TAFA1: variants seen among roughly 807,000 people sequenced by gnomAD.
TAFA1 encodes the protein TAFA chemokine like family member 1.
Under a neutral mutation model 18.5 loss-of-function variants are expected in TAFA1, and 4 were observed. The observed-to-expected ratio is 0.22, with a 90% CI of 0.11 to 0.49. The LOEUF (loss-of-function observed/expected upper bound fraction) is 0.49. Ranked by LOEUF, TAFA1 falls within the 20% of genes least tolerant of loss-of-function variation. The probability of loss-of-function intolerance (pLI) is 0.98; values close to 1 mark genes in which losing one functional copy is unlikely to be tolerated. For synonymous variants in TAFA1, 56 were observed against 55.2 expected, an observed-to-expected ratio of 1.01 and a Z score of -0.06; for missense variants, 147 against 169.0, an observed-to-expected ratio of 0.87 and a Z score of 0.72.
intron 2 of TAFA1, among the ~76,000 whole-genome samples, chr3:68,267,920 A>G (rs1329592247): frequency 6.6e-6 from 1 of 152,188 alleles, no homozygotes; most frequent in Non-Finnish European, 1.5e-5. Context: ...TAAGGCTGCT[A>G]GATGCTACTA....
At chr3:68,016,465 T>C (rs963621017) in intron 2 of TAFA1, among the ~76,000 whole-genome samples, 1 of 152,202 alleles carries the variant, frequency 6.6e-6, no homozygotes, top group African/African-American at 2.4e-5. Flanking sequence ...ATCACTTAGG[T>C]ACTAGAGTTA....
chr3:68,260,967 G>A lies in TAFA1; in HGVS notation c.119-156313G>A, dbSNP rs185198169. ...CTTCTGCACAGCAAAAGAAACTAAC[G>A]TCAGAGTGAACAGGCAACCTACAGA... is the stretch of plus-strand genomic sequence containing the variant. On this transcript the variant is annotated intron_variant, in intron 2 of 4. Coordinates refer to ENST00000478136, the MANE Select transcript of TAFA1 (RefSeq NM_213609.4). Among the ~76,000 whole-genome samples the A allele has an allele frequency of 2.6e-4, 39 of 151,900 alleles. No homozygotes were observed. In the East Asian group the frequency reaches 5.7e-3, roughly 22 times the overall value.
intron 2 of TAFA1, among the ~76,000 whole-genome samples, chr3:68,300,246 G>T (rs752343144): frequency 4.0e-5 from 6 of 150,996 alleles, no homozygotes; most frequent in South Asian, 2.1e-4. Context: ...CCCACCTCTT[G>T]TATAAGCATG....
chr3:68,323,801 G>A (rs976159655), intron 2 of TAFA1, among the ~76,000 whole-genome samples: 2 of 152,136 alleles, frequency 1.3e-5, no homozygotes, highest in African/African-American at 4.8e-5. Context: ...GAAACATATG[G>A]AACTTTAGCC....
intron 3 of TAFA1, among the ~76,000 whole-genome samples, chr3:68,469,010 A>G (rs1460595505): frequency 6.6e-6 from 1 of 152,178 alleles, no homozygotes; most frequent in Non-Finnish European, 1.5e-5. Flanking sequence ...AAAAGAAATG[A>G]GTAATACATC....
At chr3:68,379,999 G>A (rs2069902776) in intron 2 of TAFA1, among the ~76,000 whole-genome samples, 1 of 151,040 alleles carries the variant, frequency 6.6e-6, no homozygotes, top group African/African-American at 2.4e-5. Context: ...TCCCACCTAT[G>A]AGTGAGAACA....
chr3:68,233,655 G>T (rs989097689), intron 2 of TAFA1, among the ~76,000 whole-genome samples: 1 of 152,036 alleles, frequency 6.6e-6, no homozygotes, highest in Non-Finnish European at 1.5e-5. Context: ...TTTTTGTGAA[G>T]AATGTCATTG....
chr3:68,299,886 T>C (rs946937229), intron 2 of TAFA1, among the ~76,000 whole-genome samples: 3 of 152,228 alleles, frequency 2.0e-5, no homozygotes, highest in Admixed American at 6.5e-5. Flanking sequence ...AAGTCAAGAA[T>C]TGAGGTTTGG....
At chr3:68,274,881 C>CATTACCAAAGG (rs930524722) in intron 2 of TAFA1, among the ~76,000 whole-genome samples, 1 of 152,006 alleles carries the variant, frequency 6.6e-6, no homozygotes, top group Non-Finnish European at 1.5e-5. Flanking sequence ...GAAATGATTC[C>CATTACCAAAGG]ATTACCAAAG....
At chr3:68,201,037 A>C (rs2107039287) in intron 2 of TAFA1, among the ~76,000 whole-genome samples, 1 of 151,640 alleles carries the variant, frequency 6.6e-6, no homozygotes, top group East Asian at 2.0e-4. Flanking sequence ...GTCTGCTTTG[A>C]CTGTATTCCA....
intron 2 of TAFA1, among the ~76,000 whole-genome samples, chr3:68,039,863 C>T (rs986415249): frequency 6.6e-6 from 1 of 152,096 alleles, no homozygotes; most frequent in Admixed American, 6.5e-5. Context: ...TCAGAGAAGT[C>T]CCATTGGAGG....
At chr3:68,447,605 G>T (rs775856751) in intron 3 of TAFA1, among the ~76,000 whole-genome samples, 2 of 152,198 alleles carry the variant, frequency 1.3e-5, no homozygotes, top group Non-Finnish European at 2.9e-5. Flanking sequence ...ACAGTTAGAT[G>T]GGTGTGGATG....
Position 68,287,947 on chromosome 3 carries a change from C to T in TAFA1, c.119-129333C>T, listed in dbSNP as rs137925450. ...CTTTTTGAAAATTTTTTTCTGAGTA[C>T]CCTAAAATGATTAGATCCATTTTGT... On this transcript the variant is annotated intron_variant, in intron 2 of 4. Transcript: ENST00000478136. 2.3e-3 allele frequency among the ~76,000 whole-genome samples: 339 copies of T among 148,782 alleles called. 2 individuals carry two copies. The highest frequency in any genetic ancestry group is 7.9e-3 in the African/African-American group (325 of 40,922).
chr3:68,502,742 A>G (rs749405137), intron 3 of TAFA1, among the ~76,000 whole-genome samples: 4 of 152,102 alleles, frequency 2.6e-5, no homozygotes, highest in African/African-American at 9.7e-5. Context: ...CTGAGACACA[A>G]TATGCAAAGA....
At chr3:68,071,710 G>C (rs1046683807) in intron 2 of TAFA1, among the ~76,000 whole-genome samples, 1 of 152,164 alleles carries the variant, frequency 6.6e-6, no homozygotes, top group African/African-American at 2.4e-5. Flanking sequence ...AACGAAAAAA[G>C]ATTTAATTGG....
chr3:68,145,133 T>C (rs778207729), intron 2 of TAFA1: 118 of 917,714 alleles, frequency 1.3e-4, no homozygotes, highest in Non-Finnish European at 2.1e-4. Flanking sequence ...TCTAGCTTTA[T>C]GTTTGCTCCG....
chr3:68,371,629 A>C (rs771024451), intron 2 of TAFA1, among the ~76,000 whole-genome samples: 1 of 152,102 alleles, frequency 6.6e-6, no homozygotes, highest in African/African-American at 2.4e-5. Context: ...TCTATCATTG[A>C]TGGGGATTTG....
At chr3:68,107,344 T>C (rs990221786) in intron 2 of TAFA1, among the ~76,000 whole-genome samples, 2 of 152,142 alleles carry the variant, frequency 1.3e-5, no homozygotes, top group Non-Finnish European at 2.9e-5. Context: ...TTAATGTTAA[T>C]AGCAGTTTTA....
chr3:68,494,376 G>T (rs1478916580), intron 3 of TAFA1, among the ~76,000 whole-genome samples: 3 of 152,152 alleles, frequency 2.0e-5, no homozygotes, highest in East Asian at 1.9e-4. Flanking sequence ...AGAACTGTCT[G>T]GTTCCTAGTG....
Sources: gnomAD v4.1 joint callset for allele counts (sites outside exome capture counted in the v4.1 genomes callset) on GRCh38, gnomAD v4.1.1 for gene constraint, MANE v1.5 for transcripts, NCBI Gene and HGNC (gene_info 2026-07-23, HGNC 2026-07-21) for gene names.